Variants in CDH12 observed in about 807,000 individuals in gnomAD.
The protein encoded by CDH12 is cadherin-12.
CDH12 carries 41 observed loss-of-function variants against 74.1 expected under a neutral mutation model. That is an observed-to-expected ratio of 0.55 (90% confidence interval 0.43 to 0.72). The LOEUF (loss-of-function observed/expected upper bound fraction) is 0.72, where lower values mean the gene tolerates loss of function less well. CDH12 is among the 30% of genes least tolerant of loss of function. The probability of loss-of-function intolerance (pLI) is 0.00; values close to 1 mark genes in which losing one functional copy is unlikely to be tolerated. For missense variants in CDH12, 945 were observed against 977.2 expected (o/e 0.97, Z 0.44); for synonymous variants, 399 against 355.0 (o/e 1.12, Z -1.39).
chr5:21,948,136 A>G (rs1755663306), intron 6 of CDH12, among the ~76,000 whole-genome samples: 1 of 152,234 alleles, frequency 6.6e-6, no homozygotes, highest in Admixed American at 6.5e-5. Context: ...CTGCTAGGGT[A>G]GTGCAGAAGG....
chr5:22,800,386 T>C, intron 1 of CDH12, among the ~76,000 whole-genome samples: 1 of 152,196 alleles, frequency 6.6e-6, no homozygotes, highest in East Asian at 1.9e-4. Flanking sequence ...AATGTTTTTA[T>C]AATAGATATT....
intron 3 of CDH12, among the ~76,000 whole-genome samples, chr5:22,330,462 A>G (rs1345609078): frequency 1.3e-5 from 2 of 152,062 alleles, no homozygotes; most frequent in African/African-American, 4.8e-5. Context: ...TATATTAAAG[A>G]AAAGCAGGGG....
chr5:22,442,004 C>G (rs1744646432), intron 2 of CDH12, among the ~76,000 whole-genome samples: 1 of 151,674 alleles, frequency 6.6e-6, no homozygotes, highest in African/African-American at 2.4e-5. Flanking sequence ...GAGCGTGGCC[C>G]CTTTATTTGT....
At chr5:22,712,281 A>G (rs1347645263) in intron 1 of CDH12, among the ~76,000 whole-genome samples, 3 of 152,116 alleles carry the variant, frequency 2.0e-5, no homozygotes, top group African/African-American at 7.2e-5. Context: ...TAAAAAAGTG[A>G]TCTCAAACAC....
At chr5:21,862,477 A>G (rs1751094047) in intron 6 of CDH12, among the ~76,000 whole-genome samples, 1 of 152,092 alleles carries the variant, frequency 6.6e-6, no homozygotes, top group Non-Finnish European at 1.5e-5. Flanking sequence ...GAGCCCCACT[A>G]AGTCACAGTT....
chr5:22,426,863 C>T (rs896146011), intron 2 of CDH12, among the ~76,000 whole-genome samples: 1 of 152,108 alleles, frequency 6.6e-6, no homozygotes, highest in Non-Finnish European at 1.5e-5. Context: ...GATGCATTTC[C>T]TACCTAAACA....
intron 2 of CDH12, among the ~76,000 whole-genome samples, chr5:22,472,032 A>T (rs891116049): frequency 1.2e-4 from 18 of 152,116 alleles, no homozygotes; most frequent in African/African-American, 3.9e-4. Context: ...CACCCAGGGT[A>T]AGGGAATTCT....
chr5:21,773,571 C>T (rs557268983), intron 11 of CDH12, among the ~76,000 whole-genome samples: 32 of 152,144 alleles, frequency 2.1e-4, no homozygotes, highest in African/African-American at 3.1e-4. Context: ...ACAGACTGAA[C>T]GCTGCAACTA....
At chr5:22,140,562 T>A (rs1746731363) in intron 4 of CDH12, among the ~76,000 whole-genome samples, 1 of 152,180 alleles carries the variant, frequency 6.6e-6, no homozygotes, top group Admixed American at 6.6e-5. Context: ...ATGTATAAAC[T>A]AAGAATTTTA....
At chr5:22,170,182 C>A (rs374322093) in intron 4 of CDH12, among the ~76,000 whole-genome samples, 3 of 151,646 alleles carry the variant, frequency 2.0e-5, no homozygotes, top group Admixed American at 6.6e-5. Flanking sequence ...GGAGGGGGAA[C>A]GATAATAGCC....
intron 2 of CDH12, among the ~76,000 whole-genome samples, chr5:22,504,021 C>T (rs1416594535): frequency 6.6e-6 from 1 of 151,596 alleles, no homozygotes; most frequent in Non-Finnish European, 1.5e-5. Flanking sequence ...GGACTGAAAC[C>T]CCAAACCAAA....
chr5:21,888,956 G>C (rs1401150116), intron 6 of CDH12, among the ~76,000 whole-genome samples: 1 of 151,834 alleles, frequency 6.6e-6, no homozygotes, highest in Non-Finnish European at 1.5e-5. Flanking sequence ...GTGCATATTA[G>C]AAAATTAGAA....
At chr5:22,316,976 C>T (rs1738660347) in intron 3 of CDH12, among the ~76,000 whole-genome samples, 1 of 152,088 alleles carries the variant, frequency 6.6e-6, no homozygotes, top group African/African-American at 2.4e-5. Context: ...TATTGCTACT[C>T]TACTAGATGA....
intron 1 of CDH12, among the ~76,000 whole-genome samples, chr5:22,746,312 TAAC>T (rs1561001035): frequency 6.6e-6 from 1 of 152,086 alleles, no homozygotes; most frequent in African/African-American, 2.4e-5. Flanking sequence ...CCCACAACAA[TAAC>T]AACAATTTTA....
At chr5:21,985,497 GA>G (rs1757475689) in intron 5 of CDH12, among the ~76,000 whole-genome samples, 1 of 152,058 alleles carries the variant, frequency 6.6e-6, no homozygotes, top group Admixed American at 6.6e-5. Flanking sequence ...TACCATTCTT[GA>G]AATCTATGAT....
chr5:22,801,573 A>G (rs535185786), intron 1 of CDH12, among the ~76,000 whole-genome samples: 29 of 146,736 alleles, frequency 2.0e-4, no homozygotes, highest in African/African-American at 7.0e-4. Context: ...TTTAATCTTA[A>G]CAAACTTAAC....
At chr5:22,387,466 C>G (rs1742047680) in intron 3 of CDH12, among the ~76,000 whole-genome samples, 1 of 152,060 alleles carries the variant, frequency 6.6e-6, no homozygotes, top group South Asian at 2.1e-4. Context: ...TCCCTATCCA[C>G]CTTTGTTAGA....
Position 22,457,586 on chromosome 5 carries a change from A to AT in CDH12, c.-428+47683dup, listed in dbSNP as rs926841382. On this transcript the variant is annotated intron_variant, in intron 2 of 14. Transcript: ENST00000382254. ...AGGCACCTGCTAACATGCCCAACTA[A>AT]TTTTTTTTTTGAGACAGAGTCTTGC... Among the ~76,000 whole-genome samples, 15 of 121,490 alleles carry AT rather than the reference A, an allele frequency of 1.2e-4. No individual in the cohort carries two copies. In the South Asian group the frequency reaches 1.3e-3, roughly 10 times the overall value. 79.7% of individuals were successfully genotyped at this position (121,490 alleles called of 152,430 possible). A position where few individuals can be genotyped will look rare whatever the true frequency, so the allele number is the denominator to read the frequency against.
At chr5:22,522,840 C>T (rs9637800) in intron 1 of CDH12, among the ~76,000 whole-genome samples, 2,426 of 152,274 alleles carry the variant, frequency 0.016, 96 homozygotes, top group East Asian at 0.12. Flanking sequence ...CACCTACAAA[C>T]ATGCATGGGT....
Sources: gnomAD v4.1 joint callset for allele counts (sites outside exome capture counted in the v4.1 genomes callset) on GRCh38, gnomAD v4.1.1 for gene constraint, MANE v1.5 for transcripts, NCBI Gene and HGNC (gene_info 2026-07-23, HGNC 2026-07-21) for gene names.